The following EXOSC7 variants were observed in gnomAD, a reference collection of about 807,000 sequenced individuals.
EXOSC7 encodes exosome complex component RRP42.
In EXOSC7, 25 loss-of-function variants were observed where a neutral mutation model predicts 34.3. That is an observed-to-expected ratio of 0.73 (90% CI 0.53 to 1.02). EXOSC7 has a LOEUF of 1.02. EXOSC7 is among the 50% of genes least tolerant of loss of function. The pLI is 0.00. For synonymous variants in EXOSC7, 130 were observed against 143.0 expected (o/e 0.91, Z 0.65); for missense variants, 370 against 368.5 (o/e 1.00, Z -0.03).
rs1706880256 is a variant in EXOSC7, at chr3:45,001,547, TGTG to T, written c.435_437del (p.Gly146del). 1.2e-6 allele frequency: 2 copies of T among 1,612,834 alleles called. No homozygotes were observed. Among genetic ancestry groups the T allele is most frequent in the South Asian group, 2.2e-5 (2 of 91,070 alleles). The stretch of plus-strand genomic sequence containing the variant: ...TTCCTGTCTCCCTTAGCTTCTGGAA[TGTG>T]GTGGAAATTTGTTTGATGCCATTTC... On this transcript the variant is annotated inframe_deletion, in exon 5 of 8. Coordinates refer to ENST00000265564, the MANE Select transcript of EXOSC7 (RefSeq NM_015004.4).
At chr3:44,986,414 C>G (rs1706417096) in intron 1 of EXOSC7, among the ~76,000 whole-genome samples, 1 of 152,238 alleles carries the variant, frequency 6.6e-6, no homozygotes, top group South Asian at 2.1e-4. Flanking sequence ...TGAGCCCATG[C>G]CCACCCAGAA....
At chr3:45,005,056 T>C (rs1223793640) in intron 5 of EXOSC7, 7 of 479,322 alleles carry the variant, frequency 1.5e-5, no homozygotes, top group East Asian at 3.3e-5. Flanking sequence ...TTCTTTTTTT[T>C]CCATTGGGAT....
At chr3:45,005,006 G>T in intron 5 of EXOSC7, 1 of 332,772 alleles carries the variant, frequency 3.0e-6, no homozygotes, top group South Asian at 6.3e-5. Flanking sequence ...TGGTCTATTT[G>T]GTATGGCTTC....
intron 1 of EXOSC7, among the ~76,000 whole-genome samples, chr3:44,988,939 C>T (rs565767720): frequency 2.0e-5 from 3 of 152,292 alleles, no homozygotes; most frequent in Admixed American, 6.5e-5. Context: ...TTGGACAAGT[C>T]GCTCAACTTC....
intron 1 of EXOSC7, among the ~76,000 whole-genome samples, chr3:44,985,974 G>T (rs1706400578): frequency 6.6e-6 from 1 of 152,054 alleles, no homozygotes; most frequent in African/African-American, 2.4e-5. Context: ...ACAGAGTGCT[G>T]ATTGGTGTAT....
intron 5 of EXOSC7, chr3:45,004,443 A>T (rs1706971974): frequency 6.6e-6 from 1 of 151,390 alleles, no homozygotes; most frequent in African/African-American, 2.4e-5. Context: ...TTTAGTAGAG[A>T]TGGGGTTTCA....
In EXOSC7 at chr3:44,997,248, T is replaced by G. The variant is rs1418827322; in HGVS notation, c.416T>G (p.Val139Gly). ...CACTGCTGGGTTCTCTATGTGGATGTGCTGGTGAGTATCATCGTGCTGTAC... is the reference window on the plus strand; with the variant it reads ...CACTGCTGGGTTCTCTATGTGGATGGGCTGGTGAGTATCATCGTGCTGTAC... ...REHCWVLYVDVLLLECGGNLF... is the reference protein window; with the variant it reads ...REHCWVLYVDGLLLECGGNLF... The change falls in exon 4 of 8, where the codon GTG becomes GGG. Residue 139 changes from valine to glycine, a missense_variant. Val to Gly is a moderately radical substitution (Grantham distance 109). This residue lies in a region of EXOSC7 where 255 missense variants were observed against 246.4 expected (regional missense o/e 1.03). Transcript: ENST00000265564. 5.6e-6 allele frequency: 9 copies of G among 1,613,746 alleles called. No individual in the cohort carries two copies. Among genetic ancestry groups the G allele is most frequent in the East Asian group, 2.2e-5 (1 of 44,898 alleles).
chr3:44,998,791 C>T (rs534876562), intron 4 of EXOSC7, among the ~76,000 whole-genome samples: 30 of 152,174 alleles, frequency 2.0e-4, no homozygotes, highest in African/African-American at 7.2e-4. Context: ...GTGGGATGTA[C>T]CTTGTAGTAT....
intron 4 of EXOSC7, among the ~76,000 whole-genome samples, chr3:45,000,978 G>C (rs932914149): frequency 6.6e-6 from 1 of 152,176 alleles, no homozygotes; most frequent in Non-Finnish European, 1.5e-5. Context: ...GGCCACGTAA[G>C]CACAGCTATG....
intron 4 of EXOSC7, among the ~76,000 whole-genome samples, chr3:44,999,152 G>C (rs1380871350): frequency 1.3e-5 from 2 of 152,182 alleles, no homozygotes; most frequent in Non-Finnish European, 2.9e-5. Context: ...ACAGAAGCCT[G>C]TTCTATTAGG....
intron 7 of EXOSC7, among the ~76,000 whole-genome samples, chr3:45,008,180 G>A (rs1472619292): frequency 3.3e-5 from 5 of 152,192 alleles, no homozygotes; most frequent in Admixed American, 6.5e-5. Context: ...TGGAAGCCCC[G>A]CAGGGCAGGG....
At chr3:45,006,019 G>A (rs1197974380) in intron 6 of EXOSC7, among the ~76,000 whole-genome samples, 1 of 149,124 alleles carries the variant, frequency 6.7e-6, no homozygotes, top group Non-Finnish European at 1.5e-5. Flanking sequence ...TCATGAACAG[G>A]ATGTGGTGAA....
intron 3 of EXOSC7, among the ~76,000 whole-genome samples, chr3:44,995,274 C>T (rs970942356): frequency 6.6e-6 from 1 of 152,284 alleles, no homozygotes; most frequent in African/African-American, 2.4e-5. Context: ...TGAGCCACCA[C>T]GCCTGGCCAG....
chr3:44,984,734 A>G (rs1362406692), intron 1 of EXOSC7, among the ~76,000 whole-genome samples: 7 of 152,244 alleles, frequency 4.6e-5, no homozygotes, highest in Non-Finnish European at 1.5e-5. Flanking sequence ...ACTATCGTAT[A>G]GGATTATTGA....
intron 3 of EXOSC7, among the ~76,000 whole-genome samples, chr3:44,994,616 C>T (rs1706665261): frequency 6.6e-6 from 1 of 152,142 alleles, no homozygotes; most frequent in East Asian, 1.9e-4. Flanking sequence ...GTGGAATCCT[C>T]ATTTCTCTAT....
intron 5 of EXOSC7, chr3:45,004,650 T>G (rs988857281): frequency 6.6e-6 from 1 of 151,134 alleles, no homozygotes; most frequent in African/African-American, 2.4e-5. Context: ...GATATTTAAA[T>G]TGAGCACCTT....
At chr3:44,995,800 G>C (rs1175997516) in intron 3 of EXOSC7, among the ~76,000 whole-genome samples, 1 of 152,192 alleles carries the variant, frequency 6.6e-6, no homozygotes, top group African/African-American at 2.4e-5. Context: ...AACATAGTCT[G>C]ATTAATTTGG....
intron 2 of EXOSC7, 33 bp from the exon 3 acceptor site, chr3:44,989,517 C>A: frequency 6.5e-7 from 1 of 1,549,898 alleles, no homozygotes; most frequent in South Asian, 1.1e-5. Flanking sequence ...GCTGCATACT[C>A]TGAGTGAGGA....
chr3:45,002,907 C>T (rs894170803), intron 5 of EXOSC7, among the ~76,000 whole-genome samples: 13 of 152,254 alleles, frequency 8.5e-5, no homozygotes, highest in Middle Eastern at 6.8e-3. Context: ...AGCTGGTGCT[C>T]GGGCCCTGTT....
Sources: gnomAD v4.1 joint callset for allele counts (sites outside exome capture counted in the v4.1 genomes callset) on GRCh38, gnomAD v4.1.1 for gene constraint, gnomAD v4.1.1 regional missense constraint, MANE v1.5 for transcripts, NCBI Gene and HGNC (gene_info 2026-07-23, HGNC 2026-07-21) for gene names.